SLIT3: variants seen among roughly 807,000 people sequenced by gnomAD.
The protein encoded by SLIT3 is slit homolog 3 protein.
A neutral mutation model predicts 184.0 loss-of-function variants in SLIT3; 68 were observed. The observed-to-expected ratio is 0.37, with a 90% CI of 0.30 to 0.45. SLIT3 has a LOEUF of 0.45. SLIT3 is among the 20% of genes least tolerant of loss of function. SLIT3 has a pLI of 1.00. For missense variants in SLIT3, 1,707 were observed against 2,026.0 expected (o/e 0.84, Z 3.02); for synonymous variants, 831 against 828.6 (o/e 1.00, Z -0.05).
intron 5 of SLIT3, among the ~76,000 whole-genome samples, chr5:168,881,740 T>G (rs1437867151): frequency 1.3e-5 from 2 of 152,176 alleles, no homozygotes; most frequent in African/African-American, 4.8e-5. Flanking sequence ...GGATGAGAGA[T>G]CTCTCATTAT....
At chr5:168,908,831 T>A (rs1761164705) in intron 4 of SLIT3, among the ~76,000 whole-genome samples, 1 of 152,212 alleles carries the variant, frequency 6.6e-6, no homozygotes, top group Non-Finnish European at 1.5e-5. Context: ...CAACTACTAT[T>A]TCAACTAAAA....
chr5:168,696,713 G>T (rs746513881), intron 27 of SLIT3, among the ~76,000 whole-genome samples: 1 of 152,130 alleles, frequency 6.6e-6, no homozygotes, highest in African/African-American at 2.4e-5. Context: ...CAACAAGGCC[G>T]GTGTCATCAT....
Position 169,113,901 on chromosome 5 carries a change from G to A in SLIT3, c.413+79578C>T, listed in dbSNP as rs1048226289. Reference sequence around the variant, plus strand: ...AATCTGTTGGCCTCGTCATCTGCCCGTCTCAGCCTCCCAAAGTGCTGGGAT... The same window carrying A: ...AATCTGTTGGCCTCGTCATCTGCCCATCTCAGCCTCCCAAAGTGCTGGGAT... On this transcript the variant is annotated intron_variant, in intron 4 of 35. Transcript: ENST00000519560. Among the ~76,000 whole-genome samples the A allele has an allele frequency of 5.3e-5, 8 of 152,006 alleles. No individual in the cohort carries two copies. The South Asian group carries it at 8.3e-4, about 16-fold the overall frequency.
At chr5:168,722,384 G>A (rs527395051) in intron 22 of SLIT3, 57 bp from the exon 23 acceptor site, 5 of 1,443,676 alleles carry the variant, frequency 3.5e-6, no homozygotes, top group African/African-American at 2.8e-5. Flanking sequence ...CCATGCATAG[G>A]TGCACTGTTC....
chr5:169,300,457 C>A lies in SLIT3; in HGVS notation c.197+56G>T, dbSNP rs924578985. On this transcript the variant is annotated intron_variant, in intron 1 of 35. Coordinates refer to ENST00000519560, the MANE Select transcript of SLIT3 (RefSeq NM_003062.4). This position sits in a 1 kb window ranked among gnomAD's most constrained non-coding sequence, Gnocchi z 4.1. The stretch of plus-strand genomic sequence containing the variant: ...GAAAGGACGGATCTGGCGCCTGGGG[C>A]CCCCTCGGTGGGACCCAGGTGGGTG... The A allele has an allele frequency of 2.2e-6, 3 of 1,393,796 alleles. No homozygotes were observed. The highest frequency in any genetic ancestry group is 2.8e-6 in the Non-Finnish European group (3 of 1,076,168). 86.3% of individuals were successfully genotyped at this position (1,393,796 alleles called of 1,614,324 possible).
chr5:169,131,521 A>G (rs1027956545), intron 4 of SLIT3, among the ~76,000 whole-genome samples: 1 of 152,210 alleles, frequency 6.6e-6, no homozygotes, highest in African/African-American at 2.4e-5. Flanking sequence ...AGTCCCTTTT[A>G]TCTCTGAATT....
intron 8 of SLIT3, among the ~76,000 whole-genome samples, chr5:168,813,969 T>A (rs1406926070): frequency 6.6e-6 from 1 of 152,232 alleles, no homozygotes; most frequent in Non-Finnish European, 1.5e-5. Flanking sequence ...CCCCAATGCC[T>A]CTTTTCCTCC....
Position 168,861,229 on chromosome 5 carries a change from T to C in SLIT3, c.486-16574A>G, listed in dbSNP as rs373422261. On this transcript the variant is annotated intron_variant, in intron 5 of 35. Coordinates refer to ENST00000519560, the MANE Select transcript of SLIT3 (RefSeq NM_003062.4). ...CCATTAACTCGTCATTTACATTAGG[T>C]GTATCTCCTAATGCTTTCCCTCCCC... Among the ~76,000 whole-genome samples, 383 of 152,188 alleles carry C rather than the reference T, an allele frequency of 2.5e-3. 1 individual carries two copies. The highest frequency in any genetic ancestry group is 8.8e-3 in the African/African-American group (364 of 41,514).
In SLIT3 at chr5:169,281,549, A is replaced by G. The variant is rs144857846; in HGVS notation, c.197+18964T>C. Among the ~76,000 whole-genome samples the G allele has an allele frequency of 2.6e-4, 39 of 152,330 alleles. No individual in the cohort carries two copies. The East Asian group carries it at 4.4e-3, about 17-fold the overall frequency. Reference sequence around the variant, plus strand: ...CTATTGTATTTGCGGTTCCTTTCTTAAAACCACACTGTGTTGTATGCATAT... The same window carrying G: ...CTATTGTATTTGCGGTTCCTTTCTTGAAACCACACTGTGTTGTATGCATAT... On this transcript the variant is annotated intron_variant, in intron 1 of 35. Coordinates refer to ENST00000519560, the MANE Select transcript of SLIT3 (RefSeq NM_003062.4).
At chr5:168,688,575 A>G (rs1761814894) in intron 29 of SLIT3, among the ~76,000 whole-genome samples, 1 of 152,226 alleles carries the variant, frequency 6.6e-6, no homozygotes, top group South Asian at 2.1e-4. Flanking sequence ...CTCGACTGGA[A>G]CAAGTTCCTG....
At chr5:168,823,643 C>T (rs1757608871) in intron 6 of SLIT3, among the ~76,000 whole-genome samples, 1 of 152,184 alleles carries the variant, frequency 6.6e-6, no homozygotes, top group East Asian at 1.9e-4. Flanking sequence ...ATCTCTAATT[C>T]TTACATCTAC....
intron 4 of SLIT3, among the ~76,000 whole-genome samples, chr5:169,133,911 G>C (rs1339175205): frequency 1.3e-5 from 2 of 152,226 alleles, no homozygotes; most frequent in Admixed American, 6.5e-5. Flanking sequence ...TTCCGATGGA[G>C]TCTTGTGTAT....
intron 1 of SLIT3, among the ~76,000 whole-genome samples, chr5:169,293,729 C>T (rs1767421736): frequency 6.6e-6 from 1 of 152,172 alleles, no homozygotes; most frequent in African/African-American, 2.4e-5. Context: ...TCTGTCCACG[C>T]AGTACAGAAG....
intron 1 of SLIT3, among the ~76,000 whole-genome samples, chr5:169,288,599 G>T (rs1767237051): frequency 6.6e-6 from 1 of 152,160 alleles, no homozygotes; most frequent in Non-Finnish European, 1.5e-5. Flanking sequence ...TTTGAAGTTA[G>T]TTTGAACTGT....
intron 20 of SLIT3, among the ~76,000 whole-genome samples, chr5:168,724,731 C>T (rs1353297453): frequency 1.3e-5 from 2 of 151,658 alleles, no homozygotes; most frequent in Non-Finnish European, 2.9e-5. Flanking sequence ...CTAAAATTGC[C>T]CACCGTTGGA....
chr5:168,668,581 G>A (rs955507025), intron 35 of SLIT3, among the ~76,000 whole-genome samples: 1 of 152,218 alleles, frequency 6.6e-6, no homozygotes, highest in Non-Finnish European at 1.5e-5. Context: ...TTGGCAGTAT[G>A]AGTTATCTGC....
At chr5:169,051,357 G>A (rs1053579917) in intron 4 of SLIT3, among the ~76,000 whole-genome samples, 1 of 151,838 alleles carries the variant, frequency 6.6e-6, no homozygotes, top group African/African-American at 2.4e-5. Flanking sequence ...TGTGGGTGCT[G>A]AATCTTGATT....
intron 4 of SLIT3, among the ~76,000 whole-genome samples, chr5:168,978,249 G>A (rs1010151040): frequency 6.6e-6 from 1 of 152,212 alleles, no homozygotes; most frequent in Admixed American, 6.5e-5. Flanking sequence ...CAGACAATTG[G>A]AGGATTACCT....
chr5:168,697,930 T>C (rs1163234828), intron 27 of SLIT3, among the ~76,000 whole-genome samples: 2 of 152,170 alleles, frequency 1.3e-5, no homozygotes, highest in South Asian at 2.1e-4. Context: ...CAGTGAGATA[T>C]GGTGGCTGGT....
Sources: gnomAD v4.1 joint callset for allele counts (sites outside exome capture counted in the v4.1 genomes callset) on GRCh38, gnomAD v4.1.1 for gene constraint, Gnocchi (gnomAD v3.1) non-coding constraint, MANE v1.5 for transcripts, NCBI Gene and HGNC (gene_info 2026-07-23, HGNC 2026-07-21) for gene names.